DSCAM: variants seen among roughly 807,000 people sequenced by gnomAD.
The protein encoded by DSCAM is cell adhesion molecule DSCAM.
DSCAM carries 47 observed loss-of-function variants against 217.7 expected under a neutral mutation model. The ratio of observed to expected loss-of-function variants is 0.22; its 90% CI spans 0.17 to 0.28. The LOEUF (loss-of-function observed/expected upper bound fraction) is 0.28. Ranked by LOEUF, DSCAM falls within the 10% of genes least tolerant of loss-of-function variation. The pLI is 1.00. For synonymous variants in DSCAM, 1,056 were observed against 1,015.3 expected (o/e 1.04, Z -0.76); for missense variants, 2,080 against 2,618.3 (o/e 0.79, Z 4.49).
rs1323165616 is a variant in DSCAM, at chr21:40,012,047, A to T, written c.*987T>A. On this transcript the variant is annotated 3_prime_UTR_variant, in exon 33 of 33. Coordinates refer to ENST00000400454, the MANE Select transcript of DSCAM (RefSeq NM_001389.5). ...AGCCATAGACAATAGCAAATAGTGC[A>T]TGTGGCCTTGTTTCAATAAAACTTT... is the stretch of plus-strand genomic sequence containing the variant. 1.3e-5 allele frequency: 2 copies of T among 151,200 alleles called. No homozygotes were observed. Among genetic ancestry groups the T allele is most frequent in the African/African-American group, 2.5e-5 (1 of 40,704 alleles). 9.4% of individuals were successfully genotyped at this position (151,200 alleles called of 1,614,324 possible).
intron 3 of DSCAM, among the ~76,000 whole-genome samples, chr21:40,503,046 T>C (rs1183304251): frequency 6.6e-6 from 1 of 152,188 alleles, no homozygotes; most frequent in Non-Finnish European, 1.5e-5. Context: ...AACCATAGCA[T>C]TCCTTTAAGG....
At chr21:40,233,069 A>G (rs1044573618) in intron 11 of DSCAM, among the ~76,000 whole-genome samples, 4 of 152,146 alleles carry the variant, frequency 2.6e-5, no homozygotes, top group African/African-American at 9.6e-5. Flanking sequence ...AAAAACACCT[A>G]TTGGGTATTA....
chr21:40,123,211 G>T (rs1196002428), intron 20 of DSCAM, among the ~76,000 whole-genome samples: 1 of 152,150 alleles, frequency 6.6e-6, no homozygotes, highest in Non-Finnish European at 1.5e-5. Context: ...GAGATGGATG[G>T]TGGTGATGGC....
Position 40,055,874 on chromosome 21 carries a change from C to G in DSCAM, c.4920-34G>C, listed in dbSNP as rs746514289. ...AAAATGGGGTAATGCATTAACAAAT[C>G]CAGTTCAGTGTTAACATTCTACCAA... On this transcript the variant is annotated intron_variant, in intron 28 of 32. Coordinates refer to ENST00000400454, the MANE Select transcript of DSCAM (RefSeq NM_001389.5). 3 of 1,522,478 alleles carry G rather than the reference C, an allele frequency of 2.0e-6. No homozygotes were observed. The South Asian group carries it at 3.4e-5, about 17-fold the overall frequency. The allele number at this position is 1,522,478 out of a possible 1,614,324, so 94.3% of individuals were successfully genotyped here. A position where few individuals can be genotyped will look rare whatever the true frequency, so the allele number is the denominator to read the frequency against.
Position 40,369,156 on chromosome 21 carries a change from G to T in DSCAM, c.598C>A (p.Arg200=). The T allele has an allele frequency of 6.2e-7, 1 of 1,613,280 alleles. No homozygotes were observed. The change falls in exon 4 of 33, where the codon CGG becomes AGG. Residue 200 remains arginine (R), a synonymous_variant. Transcript: ENST00000400454. ...CTCGTCTCTCCGGTGTATCGATGCC[G>T]CGTGATGCAGCGGTAGTTATACAAT... ...DGLYNYRCIT[R]HRYTGETRQS... is the part of the protein sequence containing the mutation.
Position 40,387,293 on chromosome 21 carries a change from C to T in DSCAM, c.509-18048G>A, listed in dbSNP as rs1465656801. Among the ~76,000 whole-genome samples the T allele has an allele frequency of 2.6e-5, 4 of 152,010 alleles. No individual in the cohort carries two copies. The South Asian group carries it at 6.2e-4, about 24-fold the overall frequency. ...TTAACAGCAATGAGGAAATGGAAGG[C>T]TGTTAGTCCTACACAAGTCCTACAC... On this transcript the variant is annotated intron_variant, in intron 3 of 32. Coordinates refer to ENST00000400454, the MANE Select transcript of DSCAM (RefSeq NM_001389.5).
chr21:40,649,514 T>C (rs1474083484), intron 3 of DSCAM, among the ~76,000 whole-genome samples: 2 of 152,236 alleles, frequency 1.3e-5, no homozygotes, highest in African/African-American at 2.4e-5. Context: ...TTATGCCACA[T>C]TGTTTTATGC....
chr21:40,053,585 T>C (rs2088967287), intron 29 of DSCAM, among the ~76,000 whole-genome samples: 1 of 152,246 alleles, frequency 6.6e-6, no homozygotes, highest in South Asian at 2.1e-4. Flanking sequence ...TGGAAATTAA[T>C]GTCACTGTAA....
Position 40,013,322 on chromosome 21 carries a change from G to A in DSCAM, c.5751C>T (p.Gly1917=), listed in dbSNP as rs1480505667. 1.2e-6 allele frequency: 2 copies of A among 1,609,440 alleles called. No individual in the cohort carries two copies. The highest frequency in any genetic ancestry group is 1.7e-6 in the Non-Finnish European group (2 of 1,178,176). The part of the protein sequence containing the change: ...MDFLLNRGGP[G]TSRDLSLGQA... ...GTCCTAAGCTCAGGTCCCTGCTGGT[G>A]CCTGGACCACCTCGGTTTAACAAAA... Residue 1917 remains glycine, a synonymous_variant, in exon 33 of 33, where the codon GGC becomes GGT. Transcript: ENST00000400454.
chr21:40,358,301 G>T (rs537319958), intron 4 of DSCAM, among the ~76,000 whole-genome samples: 1 of 152,202 alleles, frequency 6.6e-6, no homozygotes, highest in South Asian at 2.1e-4. Context: ...GAGACAACTG[G>T]ATATCCACAT....
intron 19 of DSCAM, 146 bp from the exon 20 acceptor site, chr21:40,124,474 T>C (rs2090072966): frequency 3.1e-6 from 3 of 983,464 alleles, no homozygotes; most frequent in East Asian, 2.6e-5. Flanking sequence ...CCCAAATGCA[T>C]ATGTTGAAGT....
At chr21:40,280,709 C>T (rs992749471) in intron 10 of DSCAM, among the ~76,000 whole-genome samples, 1 of 152,078 alleles carries the variant, frequency 6.6e-6, no homozygotes, top group Non-Finnish European at 1.5e-5. Context: ...AATAATGTAG[C>T]CTTCGTTTTT....
At chr21:40,822,170 T>G (rs2091933533) in intron 1 of DSCAM, among the ~76,000 whole-genome samples, 1 of 151,382 alleles carries the variant, frequency 6.6e-6, no homozygotes, top group Non-Finnish European at 1.5e-5. Context: ...AGTACAAAAA[T>G]TAGCTGGGCA....
chr21:40,468,286 T>C (rs370184203), intron 3 of DSCAM, among the ~76,000 whole-genome samples: 2 of 152,296 alleles, frequency 1.3e-5, no homozygotes, highest in East Asian at 1.9e-4. Context: ...CACAGACCTG[T>C]GTCCTGGGTG....
At chr21:40,418,093 G>A (rs1882757) in intron 3 of DSCAM, among the ~76,000 whole-genome samples, 56,278 of 152,052 alleles carry the variant, frequency 0.37, 12,325 homozygotes, top group Non-Finnish European at 0.48. Context: ...GGGGATTAGA[G>A]GGGTGTAAAG....
intron 20 of DSCAM, among the ~76,000 whole-genome samples, chr21:40,099,277 C>T (rs1279976036): frequency 2.0e-5 from 3 of 152,118 alleles, no homozygotes; most frequent in Admixed American, 6.5e-5. Context: ...CTAAAATCAA[C>T]AATAAAATAT....
chr21:40,706,111 T>C (rs1601151025), intron 2 of DSCAM, among the ~76,000 whole-genome samples: 1 of 140,088 alleles, frequency 7.1e-6, no homozygotes, highest in Non-Finnish European at 1.5e-5. Flanking sequence ...ACCCGGGAGG[T>C]GGAGCTTGCA....
chr21:40,378,339 G>A (rs568717596), intron 3 of DSCAM, among the ~76,000 whole-genome samples: 25 of 152,158 alleles, frequency 1.6e-4, no homozygotes, highest in African/African-American at 5.5e-4. Context: ...CTTGACAAAA[G>A]GTATGGGAAA....
At chr21:40,782,003 A>AAAG (rs1019366042) in intron 1 of DSCAM, among the ~76,000 whole-genome samples, 3 of 149,346 alleles carry the variant, frequency 2.0e-5, no homozygotes, top group East Asian at 2.0e-4. Context: ...AAAAAAAAAA[A>AAAG]AAAAAAAGAA....
Sources: allele counts gnomAD v4.1 joint callset (sites outside exome capture counted in the v4.1 genomes callset), GRCh38; gene constraint gnomAD v4.1.1; transcripts MANE v1.5; gene names NCBI Gene and HGNC (gene_info 2026-07-23, HGNC 2026-07-21).